Variants in VAV1 observed in about 807,000 individuals in gnomAD.
The protein encoded by VAV1 is vav guanine nucleotide exchange factor 1.
VAV1 carries 33 observed loss-of-function variants against 128.1 expected under a neutral mutation model. That is an observed-to-expected ratio of 0.26 (90% CI 0.20 to 0.34). The LOEUF (loss-of-function observed/expected upper bound fraction) is 0.34. Among genes scored for constraint, VAV1 ranks in the 10% least tolerant of loss-of-function variants. VAV1 has a pLI of 1.00. For missense variants in VAV1, 715 were observed against 1,093.7 expected (o/e 0.65, Z 4.88); for synonymous variants, 394 against 409.8 (o/e 0.96, Z 0.47).
In VAV1 at chr19:6,829,869, A is replaced by G. The variant is rs1231065156; in HGVS notation, c.1349A>G (p.His450Arg). 3.7e-6 allele frequency: 6 copies of G among 1,614,224 alleles called. No individual in the cohort carries two copies. Among genetic ancestry groups the G allele is most frequent in the Non-Finnish European group, 4.2e-6 (5 of 1,180,028 alleles). Residue 450 changes from histidine to arginine, a missense_variant, in exon 14 of 27, where the codon CAC (histidine) becomes CGC (arginine). By Grantham distance (29) the His-to-Arg change is conservative. Coordinates refer to ENST00000602142, the MANE Select transcript of VAV1 (RefSeq NM_005428.4). ...GACCTCAAGGACTTTGTAAACCTGC[A>G]CAGCTTCCAGGTTCGGGATGACTCT... ...SYDLKDFVNL[H>R]SFQVRDDSSG... is the part of the protein sequence containing the mutation.
chr19:6,810,502 G>A (rs1250129093), intron 1 of VAV1, among the ~76,000 whole-genome samples: 2 of 151,754 alleles, frequency 1.3e-5, no homozygotes, highest in African/African-American at 2.4e-5. Context: ...TCAGGAGTTC[G>A]AGACCAGCCT....
intron 22 of VAV1, among the ~76,000 whole-genome samples, chr19:6,847,439 T>G (rs1026315504): frequency 2.6e-5 from 4 of 152,176 alleles, no homozygotes; most frequent in Admixed American, 2.6e-4. Context: ...CTTCTCTCAC[T>G]GAGTGTGATG....
rs1434490123 is a variant in VAV1 at position 6,832,183 on chromosome 19, G to A, written c.1491G>A (p.Glu497=). The A allele has an allele frequency of 1.9e-6, 3 of 1,614,134 alleles. No individual in the cohort carries two copies. The highest frequency in any genetic ancestry group is 1.7e-5 in the Admixed American group (1 of 60,006). ...GAGAATTGAAGAAGAAGTGGATGGA[G>A]CAGTTTGAGATGGCCATGTGAGTCC... ...KTRELKKKWM[E]QFEMAISNIY... Residue 497 remains glutamate (E), a synonymous_variant, in exon 15 of 27, where the codon GAG becomes GAA. Coordinates refer to ENST00000602142, the MANE Select transcript of VAV1 (RefSeq NM_005428.4).
intron 21 of VAV1, among the ~76,000 whole-genome samples, 200 bp from the exon 22 acceptor site, chr19:6,842,935 T>A (rs1263426783): frequency 6.6e-6 from 1 of 152,168 alleles, no homozygotes; most frequent in Non-Finnish European, 1.5e-5. Flanking sequence ...AGACAACCCC[T>A]GCTTTATATG....
intron 1 of VAV1, among the ~76,000 whole-genome samples, chr19:6,795,812 C>T (rs2617817): frequency 0.33 from 49,766 of 152,020 alleles, 12,169 homozygotes; most frequent in African/African-American, 0.69. Flanking sequence ...GCCTCCCGAG[C>T]AGCTGGGACT....
intron 1 of VAV1, among the ~76,000 whole-genome samples, chr19:6,805,828 AAGAG>A (rs1599639956): frequency 6.6e-6 from 1 of 151,984 alleles, no homozygotes; most frequent in Non-Finnish European, 1.5e-5. Flanking sequence ...AAGAAACTAA[AAGAG>A]AGGAGGAAAG....
At chr19:6,839,877 C>T (rs145133707) in intron 21 of VAV1, among the ~76,000 whole-genome samples, 1,668 of 150,966 alleles carry the variant, frequency 0.011, 28 homozygotes, top group African/African-American at 0.038. Context: ...TTTTTCGTAG[C>T]GATGGGGTTT....
rs1380483296 is a variant in VAV1 at position 6,779,722 on chromosome 19, A to C, written c.204+6711A>C. Among the ~76,000 whole-genome samples the C allele has an allele frequency of 2.0e-5, 3 of 149,512 alleles. No homozygotes were observed. The East Asian group carries it at 6.0e-4, about 30-fold the overall frequency. ...TAAAAATGAAAAATAAAACTAAAATAAAGCTGGGGGCTGGGTGCGGTGGCT... is the reference window on the plus strand; with the variant it reads ...TAAAAATGAAAAATAAAACTAAAATCAAGCTGGGGGCTGGGTGCGGTGGCT... On this transcript the variant is annotated intron_variant, in intron 1 of 26. Coordinates refer to ENST00000602142, the MANE Select transcript of VAV1 (RefSeq NM_005428.4).
At chr19:6,779,991 G>A (rs997873057) in intron 1 of VAV1, among the ~76,000 whole-genome samples, 4 of 148,750 alleles carry the variant, frequency 2.7e-5, no homozygotes, top group Admixed American at 1.3e-4. Context: ...GGCGCCTGTA[G>A]TCCCAGCTAC....
intron 1 of VAV1, among the ~76,000 whole-genome samples, chr19:6,815,285 C>T (rs1283200633): frequency 6.6e-6 from 1 of 152,082 alleles, no homozygotes; most frequent in Non-Finnish European, 1.5e-5. Context: ...GTAGCTGGGA[C>T]TACTGGCCAT....
At chr19:6,852,037 A>T (rs1972682852) in intron 24 of VAV1, among the ~76,000 whole-genome samples, 1 of 152,188 alleles carries the variant, frequency 6.6e-6, no homozygotes. Context: ...TACAAGAGAC[A>T]GGGTCTTGCT....
Position 6,826,657 on chromosome 19 carries a change from C to T in VAV1, c.873C>T (p.Ser291=). The change falls in exon 9 of 27, where the codon AGC becomes AGT. Residue 291 remains serine, a synonymous_variant. Transcript: ENST00000602142. This position sits in a 1 kb window ranked among gnomAD's most constrained non-coding sequence, Gnocchi z 4.1. ...GRYCSQVESA[S]KHLDRVAAAR... Reference sequence around the variant, plus strand: ...ACTGCAGCCAGGTGGAGTCAGCCAGCAAACACCTGGACCGTGTGGCCGCAG... The same window carrying T: ...ACTGCAGCCAGGTGGAGTCAGCCAGTAAACACCTGGACCGTGTGGCCGCAG... 1 of 1,562,826 alleles carries T rather than the reference C, an allele frequency of 6.4e-7. No individual in the cohort carries two copies. Among genetic ancestry groups the T allele is most frequent in the Non-Finnish European group, 8.7e-7 (1 of 1,154,402 alleles).
intron 18 of VAV1, 63 bp downstream of exon 18, chr19:6,833,796 C>T: frequency 1.9e-6 from 3 of 1,613,706 alleles, no homozygotes; most frequent in Non-Finnish European, 2.5e-6. Context: ...CGGGGAGGAC[C>T]CAGGACATCC....
Position 6,828,270 on chromosome 19 carries a change from C to A in VAV1, c.1023+99C>A. 6.6e-7 allele frequency: 1 copy of A among 1,517,716 alleles called. No homozygotes were observed. The highest frequency in any genetic ancestry group is 9.0e-7 in the Non-Finnish European group (1 of 1,106,724). The allele number at this position is 1,517,716 out of a possible 1,614,324, so 94.0% of individuals were successfully genotyped here. On this transcript the variant is annotated intron_variant, in intron 10 of 26. Coordinates refer to ENST00000602142, the MANE Select transcript of VAV1 (RefSeq NM_005428.4). The surrounding 1 kb of genome is among the most constrained non-coding windows in gnomAD (Gnocchi z 4.5). ...GCTTCTGGGGGTTGGGTCTCTAGGA[C>A]GCTCGGGGATGGGTCACTGGGGTCA...
chr19:6,844,941 A>C (rs565632945), intron 22 of VAV1, among the ~76,000 whole-genome samples: 21 of 152,258 alleles, frequency 1.4e-4, no homozygotes, highest in Non-Finnish European at 2.9e-4. Context: ...AGCTGGGAGT[A>C]AGAGGAGGTG....
At chr19:6,794,365 C>G (rs757724763) in intron 1 of VAV1, among the ~76,000 whole-genome samples, 1 of 152,058 alleles carries the variant, frequency 6.6e-6, no homozygotes. Context: ...CCAGGCCAGG[C>G]GTGGTGGCCC....
chr19:6,853,257 TTTAA>T (rs1442616757), intron 25 of VAV1, among the ~76,000 whole-genome samples, 178 bp downstream of exon 25: 58 of 150,858 alleles, frequency 3.8e-4, no homozygotes, highest in Non-Finnish European at 1.8e-4. Flanking sequence ...TATAATATAA[TTTAA>T]TTAATTAATT....
At chr19:6,832,300 AC>A in intron 15 of VAV1, 100 bp downstream of exon 15, 1 of 1,013,324 alleles carries the variant, frequency 9.9e-7, no homozygotes, top group Non-Finnish European at 1.5e-6. Context: ...ATGCCATGGG[AC>A]CACTCTGAAC....
chr19:6,810,198 A>G (rs1390843626), intron 1 of VAV1, among the ~76,000 whole-genome samples: 2 of 151,804 alleles, frequency 1.3e-5, no homozygotes, highest in Non-Finnish European at 2.9e-5. Flanking sequence ...AAAGTTAGCC[A>G]GGTGTGGTGG....
Sources: gnomAD v4.1 joint callset for allele counts (sites outside exome capture counted in the v4.1 genomes callset) on GRCh38, gnomAD v4.1.1 for gene constraint, Gnocchi (gnomAD v3.1) non-coding constraint, MANE v1.5 for transcripts, NCBI Gene and HGNC (gene_info 2026-07-23, HGNC 2026-07-21) for gene names.